Variants in WDR27 observed in about 807,000 individuals in gnomAD.
WDR27 encodes WD repeat domain 27.
Under a neutral mutation model 114.4 loss-of-function variants are expected in WDR27, and 100 were observed. That is an observed-to-expected ratio of 0.87 (90% CI 0.74 to 1.03). The LOEUF is 1.03. Among genes scored for constraint, WDR27 ranks in the 50% least tolerant of loss-of-function variants. WDR27 has a pLI of 0.00. For missense variants in WDR27, 1,129 were observed against 1,092.9 expected (o/e 1.03, Z -0.47); for synonymous variants, 449 against 423.1 (o/e 1.06, Z -0.75).
intron 25 of WDR27, among the ~76,000 whole-genome samples, chr6:169,480,523 G>A (rs1450436635): frequency 2.0e-5 from 3 of 152,242 alleles, no homozygotes; most frequent in African/African-American, 7.2e-5. Context: ...GTGGGGTCTT[G>A]GAGAACTTTT....
intron 17 of WDR27, among the ~76,000 whole-genome samples, chr6:169,643,190 G>T (rs1360140239): frequency 1.3e-5 from 2 of 152,108 alleles, no homozygotes; most frequent in Non-Finnish European, 2.9e-5. Context: ...CTAATGAAGA[G>T]CTGGCAGGTT....
intron 25 of WDR27, among the ~76,000 whole-genome samples, chr6:169,536,886 T>C (rs1796261353): frequency 6.6e-6 from 1 of 152,168 alleles, no homozygotes; most frequent in South Asian, 2.1e-4. Flanking sequence ...GGGACAGGGA[T>C]GTAGGTTATG....
intron 25 of WDR27, among the ~76,000 whole-genome samples, chr6:169,487,134 T>C (rs900391010): frequency 1.3e-4 from 20 of 152,172 alleles, no homozygotes; most frequent in African/African-American, 4.8e-4. Context: ...AGCTCCTTTA[T>C]CTATGAAATG....
chr6:169,640,208 A>G (rs1467373486), intron 17 of WDR27, among the ~76,000 whole-genome samples: 1 of 152,158 alleles, frequency 6.6e-6, no homozygotes, highest in Non-Finnish European at 1.5e-5. Flanking sequence ...GGATCTCCCC[A>G]CGGAGCAGAA....
intron 1 of WDR27, among the ~76,000 whole-genome samples, chr6:169,694,722 C>T (rs1171825686): frequency 5.3e-5 from 8 of 152,256 alleles, no homozygotes; most frequent in Admixed American, 5.2e-4. Context: ...GGACGGCCCC[C>T]TGGTCTCCCC....
intron 23 of WDR27, among the ~76,000 whole-genome samples, chr6:169,597,161 A>G (rs1806963453): frequency 6.6e-6 from 1 of 152,112 alleles, no homozygotes; most frequent in African/African-American, 2.4e-5. Flanking sequence ...CTTAATTTCC[A>G]ATGATATATC....
At chr6:169,455,989 T>C (rs1784332368), downstream of WDR27, among the ~76,000 whole-genome samples, 1 of 151,966 alleles carries the variant, frequency 6.6e-6, no homozygotes, top group Admixed American at 6.5e-5. Flanking sequence ...TGGAAAAATT[T>C]ATATAAAAAC....
chr6:169,697,203 G>T (rs1786346596), intron 1 of WDR27, among the ~76,000 whole-genome samples: 1 of 152,148 alleles, frequency 6.6e-6, no homozygotes, highest in Admixed American at 6.5e-5. Flanking sequence ...TCATAACCTA[G>T]GAAAAACCAG....
intron 19 of WDR27, among the ~76,000 whole-genome samples, chr6:169,635,834 A>C (rs751366456): frequency 6.3e-4 from 96 of 152,238 alleles, no homozygotes; most frequent in Non-Finnish European, 1.3e-3. Context: ...GCAAAAATAC[A>C]AAACTATGAC....
rs1816744154 is a variant in WDR27, at chr6:169,632,811, T to G, written c.2223+136A>C. 14 of 836,752 alleles carry G rather than the reference T, an allele frequency of 1.7e-5. No individual in the cohort carries two copies. The South Asian group carries it at 5.6e-4, about 34-fold the overall frequency. The allele number at this position is 836,752 out of a possible 1,614,324, so 51.8% of individuals were successfully genotyped here. A position where few individuals can be genotyped will look rare whatever the true frequency, so the allele number is the denominator to read the frequency against. On this transcript the variant is annotated intron_variant, in intron 21 of 25. Transcript: ENST00000448612. ...TAGGGTCAAACATCAAGGCTTCGAA[T>G]AATTTAATGATCAATAAAAATTAAC...
At chr6:169,437,137 A>G in the WDR27 span, among the ~76,000 whole-genome samples, 4 of 152,326 alleles carry the variant, frequency 2.6e-5, 1 homozygote, top group Middle Eastern at 0.014. Context: ...CAATATTTTA[A>G]AAAGGGAAAT....
the WDR27 span, among the ~76,000 whole-genome samples, chr6:169,445,282 A>G: frequency 1.3e-5 from 2 of 152,158 alleles, no homozygotes; most frequent in Non-Finnish European, 2.9e-5. Flanking sequence ...TTTCACTGAG[A>G]CTACGGGGAG....
intron 25 of WDR27, among the ~76,000 whole-genome samples, chr6:169,494,900 T>C (rs1254321747): frequency 6.6e-6 from 1 of 152,208 alleles, no homozygotes; most frequent in Non-Finnish European, 1.5e-5. Flanking sequence ...CAGTCAACAC[T>C]GTTTTTCAGG....
intron 22 of WDR27, among the ~76,000 whole-genome samples, chr6:169,605,739 ATGGTACTGG>A: frequency 6.6e-6 from 1 of 152,128 alleles, no homozygotes; most frequent in Non-Finnish European, 1.5e-5. Context: ...CCAAAACAAC[ATGGTACTGG>A]TATAAAAATA....
intron 1 of WDR27, among the ~76,000 whole-genome samples, chr6:169,692,440 T>A (rs1239034922): frequency 6.6e-6 from 1 of 152,018 alleles, no homozygotes; most frequent in African/African-American, 2.4e-5. Context: ...TGTGGACAGA[T>A]GGGGAGGGGC....
At chr6:169,678,625 C>G (rs1227725391) in intron 2 of WDR27, among the ~76,000 whole-genome samples, 2 of 152,090 alleles carry the variant, frequency 1.3e-5, no homozygotes, top group African/African-American at 4.8e-5. Context: ...TTATCTTGCC[C>G]AAATTCCTTT....
chr6:169,476,117 A>C (rs1583645231), intron 25 of WDR27, among the ~76,000 whole-genome samples: 1 of 152,230 alleles, frequency 6.6e-6, no homozygotes, highest in African/African-American at 2.4e-5. Flanking sequence ...AATGTAAAAG[A>C]GTCTTGGAAC....
chr6:169,580,691 T>G (rs963703817), intron 24 of WDR27, among the ~76,000 whole-genome samples: 4 of 152,114 alleles, frequency 2.6e-5, no homozygotes, highest in Non-Finnish European at 4.4e-5. Flanking sequence ...ATTTAAGTGA[T>G]CAGAAAACAT....
chr6:169,619,905 C>G (rs1459401377), intron 21 of WDR27, among the ~76,000 whole-genome samples: 1 of 152,184 alleles, frequency 6.6e-6, no homozygotes, highest in Admixed American at 6.5e-5. Flanking sequence ...TGTGACTGAA[C>G]TGGTTTTCCC....
Sources: allele counts gnomAD v4.1 joint callset (sites outside exome capture counted in the v4.1 genomes callset), GRCh38; gene constraint gnomAD v4.1.1; transcripts MANE v1.5; gene names NCBI Gene and HGNC (gene_info 2026-07-23, HGNC 2026-07-21).